The following PTPRK variants were observed in gnomAD, a reference collection of about 807,000 sequenced individuals.
The protein encoded by PTPRK is receptor-type tyrosine-protein phosphatase kappa.
PTPRK carries 75 observed loss-of-function variants against 178.0 expected under a neutral mutation model. The ratio of observed to expected loss-of-function variants is 0.42; its 90% CI spans 0.35 to 0.51. The LOEUF is 0.51. Ranked by LOEUF, PTPRK falls within the 20% of genes least tolerant of loss-of-function variation. The pLI is 0.02. For synonymous variants in PTPRK, 637 were observed against 620.6 expected, an observed-to-expected ratio of 1.03 and a Z score of -0.39; for missense variants, 1,441 against 1,797.8, an observed-to-expected ratio of 0.80 and a Z score of 3.59.
intron 1 of PTPRK, among the ~76,000 whole-genome samples, chr6:128,485,917 C>A (rs1168445439): frequency 6.6e-6 from 1 of 151,976 alleles, no homozygotes; most frequent in Non-Finnish European, 1.5e-5. Context: ...ATCTACATAC[C>A]ATCTTTTCAT....
intron 7 of PTPRK, among the ~76,000 whole-genome samples, chr6:128,132,735 C>T (rs1388715130): frequency 6.6e-6 from 1 of 152,236 alleles, no homozygotes; most frequent in Non-Finnish European, 1.5e-5. Context: ...TCCCACCATA[C>T]ACAACCTGTG....
At chr6:128,074,078 T>G (rs1783329335) in intron 11 of PTPRK, among the ~76,000 whole-genome samples, 1 of 152,072 alleles carries the variant, frequency 6.6e-6, no homozygotes. Flanking sequence ...TCAGACAATT[T>G]CTTTTCCTAA....
chr6:128,072,718 C>T (rs1185065654), intron 11 of PTPRK, among the ~76,000 whole-genome samples: 1 of 151,980 alleles, frequency 6.6e-6, no homozygotes, highest in Middle Eastern at 3.2e-3. Context: ...AGAATTTCTG[C>T]CTTTCTTGTC....
At chr6:128,119,816 G>A (rs997273958) in intron 7 of PTPRK, among the ~76,000 whole-genome samples, 2 of 151,936 alleles carry the variant, frequency 1.3e-5, no homozygotes, top group African/African-American at 4.8e-5. Context: ...CAAATGAACC[G>A]ATGGACATAT....
intron 7 of PTPRK, among the ~76,000 whole-genome samples, chr6:128,106,114 T>C (rs1013527538): frequency 2.6e-5 from 4 of 152,102 alleles, no homozygotes; most frequent in East Asian, 3.8e-4. Context: ...AACAAAAAAC[T>C]AGTATCTACC....
intron 3 of PTPRK, among the ~76,000 whole-genome samples, chr6:128,311,288 A>T (rs376605606): frequency 6.6e-6 from 1 of 152,168 alleles, no homozygotes; most frequent in African/African-American, 2.4e-5. Context: ...GTGGATGTCC[A>T]GTAAATGCTG....
chr6:128,476,920 G>A (rs1394715172), intron 1 of PTPRK, among the ~76,000 whole-genome samples: 3 of 151,298 alleles, frequency 2.0e-5, no homozygotes, highest in Non-Finnish European at 3.0e-5. Flanking sequence ...GAGTGAAAAC[G>A]AATAAAATCT....
At chr6:128,058,725 T>G (rs1277031015) in intron 13 of PTPRK, among the ~76,000 whole-genome samples, 1 of 151,856 alleles carries the variant, frequency 6.6e-6, no homozygotes, top group Non-Finnish European at 1.5e-5. Context: ...TTTAAAAAAT[T>G]GTTTAAATTT....
intron 1 of PTPRK, among the ~76,000 whole-genome samples, chr6:128,426,715 C>A (rs117595587): frequency 1.3e-5 from 2 of 152,284 alleles, no homozygotes; most frequent in East Asian, 1.9e-4. Flanking sequence ...ATTAAAATGG[C>A]TTTTCTATAA....
chr6:128,424,873 A>G (rs1406901088), intron 1 of PTPRK, among the ~76,000 whole-genome samples: 4 of 152,304 alleles, frequency 2.6e-5, no homozygotes, highest in East Asian at 3.9e-4. Context: ...TTAAGAATCT[A>G]AAAACCATGT....
chr6:128,147,731 C>A (rs150571472), intron 7 of PTPRK, among the ~76,000 whole-genome samples: 18 of 151,896 alleles, frequency 1.2e-4, no homozygotes, highest in South Asian at 4.1e-4. Context: ...ATAGATCATA[C>A]GAAAACAACA....
At position 127,992,630 on chromosome 6, in the gene PTPRK, C is replaced by T; in HGVS notation, c.2881+43G>A. The T allele has an allele frequency of 7.2e-6, 11 of 1,520,028 alleles. No individual in the cohort carries two copies. The South Asian group carries it at 1.2e-4, about 17-fold the overall frequency. The allele number at this position is 1,520,028 out of a possible 1,614,324, so 94.2% of individuals were successfully genotyped here. ...AAAAACCACCACATAGATGAATAAG[C>T]AAGTTTGTTTTTTCTATAACATTTA... On this transcript the variant is annotated intron_variant, in intron 19 of 29. Transcript: ENST00000368226.
At chr6:128,175,480 C>A (rs1360252021) in intron 7 of PTPRK, among the ~76,000 whole-genome samples, 1 of 151,662 alleles carries the variant, frequency 6.6e-6, no homozygotes, top group African/African-American at 2.4e-5. Context: ...TGGTTACATA[C>A]ATTCAGATAT....
At chr6:128,433,139 C>T (rs1233755360) in intron 1 of PTPRK, among the ~76,000 whole-genome samples, 2 of 152,102 alleles carry the variant, frequency 1.3e-5, no homozygotes, top group South Asian at 2.1e-4. Context: ...ATTCTTCTAC[C>T]TATTTTGAAA....
intron 3 of PTPRK, among the ~76,000 whole-genome samples, chr6:128,294,771 G>C (rs1823996183): frequency 6.6e-6 from 1 of 152,042 alleles, no homozygotes; most frequent in Admixed American, 6.6e-5. Context: ...CATGCTAAGT[G>C]CAAAGTTTCC....
chr6:128,292,420 C>T (rs979396443), intron 3 of PTPRK, among the ~76,000 whole-genome samples: 1 of 152,082 alleles, frequency 6.6e-6, no homozygotes, highest in Non-Finnish European at 1.5e-5. Flanking sequence ...ATAACAATCC[C>T]ATTGCTATTC....
chr6:128,146,726 C>A (rs765508895), intron 7 of PTPRK, among the ~76,000 whole-genome samples: 1 of 152,004 alleles, frequency 6.6e-6, no homozygotes, highest in Non-Finnish European at 1.5e-5. Flanking sequence ...CCGTGCCCAG[C>A]CTACGATACT....
chr6:128,117,434 C>T (rs1037167010), intron 7 of PTPRK, among the ~76,000 whole-genome samples: 1 of 152,126 alleles, frequency 6.6e-6, no homozygotes, highest in Non-Finnish European at 1.5e-5. Flanking sequence ...ATAACATTTA[C>T]AATCGCACGA....
intron 6 of PTPRK, among the ~76,000 whole-genome samples, chr6:128,196,851 C>T (rs1804936661): frequency 6.6e-6 from 1 of 152,108 alleles, no homozygotes; most frequent in African/African-American, 2.4e-5. Context: ...ATTCCCTATC[C>T]TTTTCCACGC....
Sources: gnomAD v4.1 joint callset for allele counts (sites outside exome capture counted in the v4.1 genomes callset) on GRCh38, gnomAD v4.1.1 for gene constraint, MANE v1.5 for transcripts, NCBI Gene and HGNC (gene_info 2026-07-23, HGNC 2026-07-21) for gene names.